The following CTNNA3 variants were observed in gnomAD, a reference collection of about 807,000 sequenced individuals.
CTNNA3 encodes the protein catenin alpha 3, also known as catenin alpha-3.
In CTNNA3, 76 loss-of-function variants were observed where a neutral mutation model predicts 95.7. The ratio of observed to expected loss-of-function variants is 0.79; its 90% confidence interval spans 0.66 to 0.96. The LOEUF (loss-of-function observed/expected upper bound fraction) is 0.96. Ranked by LOEUF, CTNNA3 falls within the 40% of genes least tolerant of loss-of-function variation. The pLI is 0.00. For missense variants in CTNNA3, 1,191 were observed against 1,089.8 expected (o/e 1.09, Z -1.31); for synonymous variants, 431 against 374.4 (o/e 1.15, Z -1.74).
At chr10:66,382,904 C>T (rs954712874) in intron 11 of CTNNA3, among the ~76,000 whole-genome samples, 6 of 152,012 alleles carry the variant, frequency 3.9e-5, no homozygotes, top group African/African-American at 1.2e-4. Context: ...TCAACATCAA[C>T]AAAAAGATCA....
At chr10:65,954,001 A>C (rs2077677614) in intron 17 of CTNNA3, among the ~76,000 whole-genome samples, 1 of 152,236 alleles carries the variant, frequency 6.6e-6, no homozygotes. Context: ...CAGTCCCACC[A>C]CCAGTGTAAA....
At chr10:66,830,577 T>C (rs1476526639) in intron 7 of CTNNA3, among the ~76,000 whole-genome samples, 1 of 151,026 alleles carries the variant, frequency 6.6e-6, no homozygotes, top group Non-Finnish European at 1.5e-5. Context: ...TCTAAACACC[T>C]CAACCCCTCA....
chr10:67,711,097 C>A (rs1383092374), intron 1 of CTNNA3, among the ~76,000 whole-genome samples: 1 of 152,280 alleles, frequency 6.6e-6, no homozygotes, highest in East Asian at 1.9e-4. Context: ...TTATCTTCCA[C>A]CATGATTGTG....
chr10:66,472,607 C>T (rs778249982), intron 11 of CTNNA3, among the ~76,000 whole-genome samples: 7 of 151,850 alleles, frequency 4.6e-5, no homozygotes, highest in Non-Finnish European at 8.8e-5. Flanking sequence ...TCTACAATAA[C>T]AAAATTGAGA....
intron 15 of CTNNA3, 25 bp from the exon 16 acceptor site, chr10:65,988,822 G>T (rs1399868474): frequency 4.5e-6 from 7 of 1,538,460 alleles, no homozygotes; most frequent in Non-Finnish European, 9.0e-7. Context: ...ATATATGTTA[G>T]CTGTGGTGTT....
rs1032251682 is a variant in CTNNA3, at chr10:66,804,107, A to G, written c.1048-28583T>C. Among the ~76,000 whole-genome samples the G allele has an allele frequency of 7.2e-5, 11 of 151,934 alleles. No individual in the cohort carries two copies. In the South Asian group the frequency reaches 2.3e-3, roughly 31 times the overall value. On this transcript the variant is annotated intron_variant, in intron 7 of 17. Transcript: ENST00000433211. ...CTAGTTTATTGTTTTTCCCCAGAATACTGCCTACTATAATTGGCTCTGTGT... is the reference window on the plus strand; with the variant it reads ...CTAGTTTATTGTTTTTCCCCAGAATGCTGCCTACTATAATTGGCTCTGTGT...
chr10:67,129,059 CT>C (rs1859863738), intron 7 of CTNNA3, among the ~76,000 whole-genome samples: 1 of 152,140 alleles, frequency 6.6e-6, no homozygotes, highest in South Asian at 2.1e-4. Context: ...GAAAATTAGA[CT>C]GCTCACTCAT....
chr10:66,469,390 T>A (rs1328476164), intron 11 of CTNNA3, among the ~76,000 whole-genome samples: 1 of 151,780 alleles, frequency 6.6e-6, no homozygotes, highest in African/African-American at 2.4e-5. Flanking sequence ...TAGGAGCATT[T>A]TTGGAGTCTT....
intron 12 of CTNNA3, among the ~76,000 whole-genome samples, chr10:66,309,466 G>C (rs557742795): frequency 6.6e-6 from 1 of 151,896 alleles, no homozygotes; most frequent in African/African-American, 2.4e-5. Context: ...GCCAAGGCGG[G>C]CAGATCACGA....
rs58983331 is a variant in CTNNA3, at chr10:66,294,913, A to AGAGAGAGAGAGGGG, written c.1733-14293_1733-14292insCCCCTCTCTCTCTC. Among the ~76,000 whole-genome samples the AGAGAGAGAGAGGGG allele has an allele frequency of 1.3e-3, 190 of 148,834 alleles. 1 individual carries two copies. Among genetic ancestry groups the AGAGAGAGAGAGGGG allele is most frequent in the African/African-American group, 4.5e-3 (184 of 40,786 alleles). On this transcript the variant is annotated intron_variant, in intron 12 of 17. Coordinates refer to ENST00000433211, the MANE Select transcript of CTNNA3 (RefSeq NM_013266.4). ...GAGAGAGAGAGAGAGAGAGAGAGAG[A>AGAGAGAGAGAGGGG]GGGATTTGGTAAACATTTGCATTGG...
chr10:65,962,673 A>G (rs2077871494), intron 17 of CTNNA3, among the ~76,000 whole-genome samples: 1 of 151,964 alleles, frequency 6.6e-6, no homozygotes, highest in African/African-American at 2.4e-5. Context: ...CATCACCTAC[A>G]TTAGGTATTC....
At chr10:67,722,209 C>CATCT (rs762123176) in intron 1 of CTNNA3, among the ~76,000 whole-genome samples, 3 of 152,172 alleles carry the variant, frequency 2.0e-5, no homozygotes, top group Non-Finnish European at 4.4e-5. Flanking sequence ...TTAGGGTTTA[C>CATCT]ATCTAGCAGA....
At chr10:66,972,902 G>A (rs1219850811) in intron 7 of CTNNA3, among the ~76,000 whole-genome samples, 2 of 151,388 alleles carry the variant, frequency 1.3e-5, no homozygotes, top group Admixed American at 1.3e-4. Context: ...AGTAGAGATG[G>A]GGTTTCACCA....
At chr10:66,893,470 T>C (rs1845350365) in intron 7 of CTNNA3, among the ~76,000 whole-genome samples, 1 of 151,532 alleles carries the variant, frequency 6.6e-6, no homozygotes, top group South Asian at 2.1e-4. Flanking sequence ...ATAAACTCAG[T>C]CTAAAGCATA....
At chr10:66,792,156 C>T (rs1840996972) in intron 7 of CTNNA3, among the ~76,000 whole-genome samples, 3 of 152,040 alleles carry the variant, frequency 2.0e-5, no homozygotes, top group Non-Finnish European at 4.4e-5. Flanking sequence ...TAACATTTAC[C>T]TTGTAAAAGA....
chr10:66,148,556 T>A (rs1428233199), intron 13 of CTNNA3, among the ~76,000 whole-genome samples: 1 of 151,962 alleles, frequency 6.6e-6, no homozygotes, highest in Non-Finnish European at 1.5e-5. Context: ...GAACACAGCA[T>A]TCCCCTTTTC....
At chr10:67,135,709 A>G (rs1860268519) in intron 7 of CTNNA3, among the ~76,000 whole-genome samples, 1 of 152,010 alleles carries the variant, frequency 6.6e-6, no homozygotes, top group Non-Finnish European at 1.5e-5. Flanking sequence ...ATGGATGTAC[A>G]TGTTTTGGAA....
intron 5 of CTNNA3, among the ~76,000 whole-genome samples, chr10:67,296,640 G>C (rs1473382556): frequency 6.6e-6 from 1 of 152,052 alleles, no homozygotes; most frequent in African/African-American, 2.4e-5. Context: ...CTGTATCAAG[G>C]GTTCAGTGCT....
At chr10:66,463,021 C>A (rs1426288416) in intron 11 of CTNNA3, among the ~76,000 whole-genome samples, 2 of 152,030 alleles carry the variant, frequency 1.3e-5, no homozygotes, top group Non-Finnish European at 2.9e-5. Context: ...TTGATATTTC[C>A]TATCAAAATT....
Sources: gnomAD v4.1 joint callset for allele counts (sites outside exome capture counted in the v4.1 genomes callset) on GRCh38, gnomAD v4.1.1 for gene constraint, MANE v1.5 for transcripts, NCBI Gene and HGNC (gene_info 2026-07-23, HGNC 2026-07-21) for gene names.